The following C6 variants were observed in gnomAD, a reference collection of about 807,000 sequenced individuals.
C6 encodes complement component C6.
A neutral mutation model predicts 112.9 loss-of-function variants in C6; 101 were observed. The ratio of observed to expected loss-of-function variants is 0.89; its 90% confidence interval spans 0.76 to 1.06. The LOEUF (loss-of-function observed/expected upper bound fraction) is 1.06. Among genes scored for constraint, C6 ranks in the 50% least tolerant of loss-of-function variants. The pLI, the probability that C6 is intolerant of heterozygous loss-of-function variation, is 0.00. For missense variants in C6, 1,202 were observed against 1,104.6 expected (o/e 1.09, Z -1.25); for synonymous variants, 431 against 384.1 (o/e 1.12, Z -1.43).
intron 1 of C6, among the ~76,000 whole-genome samples, chr5:41,226,066 C>G (rs960156769): frequency 2.6e-5 from 4 of 152,028 alleles, no homozygotes; most frequent in African/African-American, 4.8e-5. Flanking sequence ...TCTAAAACAC[C>G]AAAAGCAATG....
chr5:41,231,809 A>T (rs1013562785), intron 1 of C6, among the ~76,000 whole-genome samples: 1 of 152,004 alleles, frequency 6.6e-6, no homozygotes, highest in Non-Finnish European at 1.5e-5. Flanking sequence ...AATGATAGAC[A>T]CTGTGTGTGA....
intron 10 of C6, among the ~76,000 whole-genome samples, chr5:41,161,038 ATCT>A (rs1411209730): frequency 1.3e-5 from 2 of 152,144 alleles, no homozygotes; most frequent in Non-Finnish European, 1.5e-5. Context: ...AGCTCAACAC[ATCT>A]TCACGCTGCA....
chr5:41,179,924 A>G (rs993674565), intron 7 of C6, among the ~76,000 whole-genome samples: 5 of 152,028 alleles, frequency 3.3e-5, no homozygotes, highest in African/African-American at 9.7e-5. Flanking sequence ...TATTTACTGT[A>G]AGATCACTGG....
intron 5 of C6, among the ~76,000 whole-genome samples, chr5:41,187,776 C>T (rs1749899132): frequency 6.6e-6 from 1 of 151,644 alleles, no homozygotes; most frequent in African/African-American, 2.4e-5. Context: ...GAGCTAATTG[C>T]TTTTTTATAG....
intron 1 of C6, among the ~76,000 whole-genome samples, chr5:41,204,174 T>A (rs1751246798): frequency 6.6e-6 from 1 of 152,248 alleles, no homozygotes; most frequent in Admixed American, 6.5e-5. Flanking sequence ...TAGTAACTTT[T>A]ACTTTAAAAA....
chr5:41,146,003 C>T (rs919928845), intron 17 of C6, among the ~76,000 whole-genome samples: 1 of 152,198 alleles, frequency 6.6e-6, no homozygotes, highest in African/African-American at 2.4e-5. Flanking sequence ...CCCTTCCAGA[C>T]CAGAAGATAT....
intron 1 of C6, among the ~76,000 whole-genome samples, chr5:41,206,789 T>G (rs1751472680): frequency 1.3e-5 from 2 of 152,174 alleles, no homozygotes; most frequent in Admixed American, 6.5e-5. Context: ...GGAACCGAGT[T>G]GGAAAACACT....
chr5:41,197,005 G>T (rs1044331498), intron 4 of C6, among the ~76,000 whole-genome samples: 2 of 152,008 alleles, frequency 1.3e-5, no homozygotes, highest in Admixed American at 6.6e-5. Context: ...AATGATTAAA[G>T]GTTTTACTTG....
upstream of C6, among the ~76,000 whole-genome samples, chr5:41,214,041 G>A (rs1387090118): frequency 1.3e-5 from 2 of 152,050 alleles, no homozygotes; most frequent in East Asian, 3.9e-4. Context: ...TGATGATTAC[G>A]CTTCTCTGAA....
At chr5:41,178,362 C>T (rs770157834) in intron 7 of C6, among the ~76,000 whole-genome samples, 1 of 151,806 alleles carries the variant, frequency 6.6e-6, no homozygotes, top group Non-Finnish European at 1.5e-5. Flanking sequence ...GCTTTATGCT[C>T]TACTGAAAGA....
Position 41,244,666 on chromosome 5 carries a change from G to A in C6, c.-21+16528C>T, listed in dbSNP as rs539485205. ...TCCCCCTTGGAAATTGTTCTTAGATGTCCCCAGGGGAAGAGCACTTCAAAG... is the reference window on the plus strand; with the variant it reads ...TCCCCCTTGGAAATTGTTCTTAGATATCCCCAGGGGAAGAGCACTTCAAAG... On this transcript the variant is annotated intron_variant, in intron 1 of 17. Transcript: ENST00000263413. Among the ~76,000 whole-genome samples the A allele has an allele frequency of 5.9e-5, 9 of 152,138 alleles. No homozygotes were observed. In the South Asian group the frequency reaches 1.7e-3, roughly 28 times the overall value.
chr5:41,172,427 T>G (rs1748505380), intron 8 of C6, 80 bp from the exon 9 acceptor site: 1 of 1,371,080 alleles, frequency 7.3e-7, no homozygotes, highest in Admixed American at 1.7e-5. Context: ...TCTGGTCACT[T>G]CGGATCTACA....
rs150340711 is a variant in C6, at chr5:41,159,858, A to G, written c.1684+284T>C. ...AGCATTGTATATGTATTCTTGATAT[A>G]TAAATACGCATATAATATATTCATA... is the stretch of plus-strand genomic sequence containing the variant. On this transcript the variant is annotated intron_variant, in intron 11 of 17. Transcript: ENST00000337836. Among the ~76,000 whole-genome samples the G allele has an allele frequency of 9.8e-4, 150 of 152,302 alleles. 2 individuals carry two copies. The Middle Eastern group carries it at 0.014, about 14-fold the overall frequency.
At chr5:41,195,596 T>C (rs1199074638) in intron 5 of C6, among the ~76,000 whole-genome samples, 196 bp downstream of exon 5, 1 of 152,204 alleles carries the variant, frequency 6.6e-6, no homozygotes, top group Non-Finnish European at 1.5e-5. Context: ...TATTTGGAAA[T>C]GCTAACTTTT....
chr5:41,237,064 C>A (rs1212144999), intron 1 of C6, among the ~76,000 whole-genome samples: 8 of 146,180 alleles, frequency 5.5e-5, no homozygotes, highest in Non-Finnish European at 7.5e-5. Flanking sequence ...ATAACAGGCT[C>A]TGAAATTGTG....
chr5:41,176,648 A>G lies in C6; in HGVS notation c.995T>C (p.Leu332Pro), dbSNP rs1446854627. The change falls in exon 8 of 18, where the codon CTG becomes CCG. Residue 332 changes from leucine (L) to proline (P), a missense_variant. Physicochemically the swap from Leu to Pro is moderately conservative, Grantham distance 98. Coordinates refer to ENST00000337836, the MANE Select transcript of C6 (RefSeq NM_000065.5). ...TTTCAAAAAGACATCAGAAAGGTGC[A>G]GATCTTTAGCTTTCGTTGTGAAGTT... ...VLNFTTKAKD[L>P]HLSDVFLKAL... 1.2e-6 allele frequency: 2 copies of G among 1,613,722 alleles called. No individual in the cohort carries two copies. Among genetic ancestry groups the G allele is most frequent in the African/African-American group, 2.7e-5 (2 of 74,944 alleles).
At position 41,142,824 on chromosome 5, in the gene C6, G is replaced by A; in HGVS notation, c.*1C>T. ...TTGTGCTGGGCCTAGCAGTAATTGTGCTAGGCCAAACACTTTCCAGGATGC... is the reference window on the plus strand; with the variant it reads ...TTGTGCTGGGCCTAGCAGTAATTGTACTAGGCCAAACACTTTCCAGGATGC... On this transcript the variant is annotated 3_prime_UTR_variant, in exon 18 of 18. Coordinates refer to ENST00000337836, the MANE Select transcript of C6 (RefSeq NM_000065.5). 6.2e-7 allele frequency: 1 copy of A among 1,610,636 alleles called. No homozygotes were observed. Among genetic ancestry groups the A allele is most frequent in the South Asian group, 1.1e-5 (1 of 91,016 alleles).
intron 1 of C6, among the ~76,000 whole-genome samples, chr5:41,212,375 C>T (rs572626340): frequency 6.4e-4 from 98 of 152,004 alleles, no homozygotes; most frequent in African/African-American, 2.2e-3. Flanking sequence ...TGGTCAGGCT[C>T]GTCTTGAACT....
intron 1 of C6, among the ~76,000 whole-genome samples, chr5:41,227,896 G>A (rs889205243): frequency 6.6e-6 from 1 of 152,080 alleles, no homozygotes; most frequent in Non-Finnish European, 1.5e-5. Flanking sequence ...TTGAGGTCAG[G>A]TAGTGTGATG....
Sources: gnomAD v4.1 joint callset for allele counts (sites outside exome capture counted in the v4.1 genomes callset) on GRCh38, gnomAD v4.1.1 for gene constraint, MANE v1.5 for transcripts, NCBI Gene and HGNC (gene_info 2026-07-23, HGNC 2026-07-21) for gene names.